TRIM66: variants seen among roughly 807,000 people sequenced by gnomAD.
TRIM66 encodes tripartite motif-containing protein 66.
In TRIM66, 99 loss-of-function variants were observed where a neutral mutation model predicts 148.2. The observed-to-expected ratio is 0.67, with a 90% confidence interval of 0.57 to 0.79. The LOEUF is 0.79. TRIM66 is among the 30% of genes least tolerant of loss of function. The pLI is 0.00. For missense variants in TRIM66, 1,666 were observed against 1,697.9 expected (o/e 0.98, Z 0.33); for synonymous variants, 616 against 635.9 (o/e 0.97, Z 0.47).
intron 15 of TRIM66, among the ~76,000 whole-genome samples, chr11:8,629,707 G>C (rs909576939): frequency 2.6e-5 from 4 of 152,186 alleles, no homozygotes; most frequent in Non-Finnish European, 5.9e-5. Context: ...TGATGAACCT[G>C]GTCCCGTAAT....
chr11:8,633,712 T>C (rs900539106), intron 15 of TRIM66, among the ~76,000 whole-genome samples: 6 of 152,338 alleles, frequency 3.9e-5, no homozygotes, highest in East Asian at 3.9e-4. Context: ...ATCTGATCCA[T>C]AGCAGTAGCT....
intron 6 of TRIM66, among the ~76,000 whole-genome samples, chr11:8,653,634 A>C (rs1346213103): frequency 6.6e-6 from 1 of 152,170 alleles, no homozygotes; most frequent in East Asian, 1.9e-4. Flanking sequence ...CAAACAGCCA[A>C]ACTGTAGAAT....
chr11:8,624,718 A>T lies in TRIM66; in HGVS notation c.2821T>A (p.Cys941Ser), dbSNP rs1179041866. 7 of 1,518,718 alleles carry T rather than the reference A, an allele frequency of 4.6e-6. No individual in the cohort carries two copies. Among genetic ancestry groups the T allele is most frequent in the Non-Finnish European group, 5.3e-6 (6 of 1,128,868 alleles). 94.1% of individuals were successfully genotyped at this position (1,518,718 alleles called of 1,614,324 possible). A position where few individuals can be genotyped will look rare whatever the true frequency, so the allele number is the denominator to read the frequency against. Reference protein sequence around the residue: ...GADPSLENALCKMESEDSTRF... With the variant: ...GADPSLENALSKMESEDSTRF... ...AGCATTTCCCCAGGACTTACCTTAC[A>T]CAGAGCATTCTCCAGGGAGGGATCA... The change falls in exon 16 of 25, where the codon TGT becomes AGT. Residue 941 changes from cysteine (C) to serine (S), a missense_variant. Cys to Ser is a moderately radical substitution (Grantham distance 112). Transcript: ENST00000646038.
chr11:8,672,290 CA>C lies in TRIM66; in HGVS notation c.-17del. On this transcript the variant is annotated 5_prime_UTR_variant, in exon 5 of 25. Coordinates refer to ENST00000646038, the MANE Select transcript of TRIM66 (RefSeq NM_001388022.1). ...GTCTAGCCATCTCTGCCGTGGAAAACAAAGCGTGGAGGTGTCTGCTGTTTGT... is the reference window on the plus strand; with the variant it reads ...GTCTAGCCATCTCTGCCGTGGAAAACAAGCGTGGAGGTGTCTGCTGTTTGT... The C allele has an allele frequency of 6.5e-7, 1 of 1,536,130 alleles. No individual in the cohort carries two copies. The highest frequency in any genetic ancestry group is 1.2e-5 in the South Asian group (1 of 84,064).
chr11:8,676,648 C>G (rs1410165629), intron 3 of TRIM66, among the ~76,000 whole-genome samples: 1 of 152,216 alleles, frequency 6.6e-6, no homozygotes, highest in Non-Finnish European at 1.5e-5. Context: ...AATTTAAAGG[C>G]ACAGCCACAC....
intron 6 of TRIM66, among the ~76,000 whole-genome samples, chr11:8,659,769 C>T (rs951960821): frequency 2.6e-5 from 4 of 152,338 alleles, no homozygotes; most frequent in African/African-American, 9.6e-5. Flanking sequence ...CAATCAGGAA[C>T]CAATGGCCTG....
At chr11:8,665,507 T>C (rs766151271) in intron 6 of TRIM66, among the ~76,000 whole-genome samples, 11 of 152,262 alleles carry the variant, frequency 7.2e-5, no homozygotes, top group Non-Finnish European at 1.5e-4. Flanking sequence ...CATTAGACTA[T>C]GAGCTCTTTG....
chr11:8,640,098 G>A (rs2036231098), intron 14 of TRIM66, 129 bp downstream of exon 14: 1 of 925,798 alleles, frequency 1.1e-6, no homozygotes, highest in Non-Finnish European at 1.6e-6. Flanking sequence ...GAAATGTGAG[G>A]GCTGAGCTCA....
intron 10 of TRIM66, 117 bp downstream of exon 10, chr11:8,647,853 C>T: frequency 2.5e-6 from 2 of 798,490 alleles, no homozygotes; most frequent in South Asian, 1.6e-5. Context: ...CATATGCCCA[C>T]ATCTGCTTAA....
chr11:8,658,807 G>C (rs2038050366), intron 6 of TRIM66: 2 of 985,260 alleles, frequency 2.0e-6, no homozygotes, highest in Non-Finnish European at 2.4e-6. Flanking sequence ...GAGGGTGTGG[G>C]GGGGCCTTCA....
intron 15 of TRIM66, among the ~76,000 whole-genome samples, chr11:8,630,910 C>G (rs1488046448): frequency 6.6e-6 from 1 of 152,094 alleles, no homozygotes; most frequent in Non-Finnish European, 1.5e-5. Context: ...CCTATGTGAC[C>G]CTGCACCCAT....
chr11:8,638,716 G>C lies in TRIM66; in HGVS notation c.2248C>G (p.Pro750Ala). ...CTGTCCACTGGGGGGACACTGAGAGGGGTTTCTTCCCCAGACGCCTGGGGC... is the reference window on the plus strand; with the variant it reads ...CTGTCCACTGGGGGGACACTGAGAGCGGTTTCTTCCCCAGACGCCTGGGGC... The part of the protein sequence containing the change: ...ALPQASGEET[P>A]LSVPPVDSTI... The change falls in exon 15 of 25, where the codon CCT (proline) becomes GCT (alanine). Residue 750 changes from proline to alanine, a missense_variant. Transcript: ENST00000646038. 6.5e-7 allele frequency: 1 copy of C among 1,549,658 alleles called. No homozygotes were observed.
At chr11:8,656,305 C>T (rs2037824159) in intron 6 of TRIM66, among the ~76,000 whole-genome samples, 1 of 152,170 alleles carries the variant, frequency 6.6e-6, no homozygotes, top group South Asian at 2.1e-4. Context: ...TCACACTGCA[C>T]ATAAAATATT....
At chr11:8,619,317 C>CA in intron 23 of TRIM66, 66 bp downstream of exon 23, 5 of 1,343,276 alleles carry the variant, frequency 3.7e-6, no homozygotes, top group Non-Finnish European at 5.0e-6. Context: ...CCTCCCAACC[C>CA]TACCCACCCA....
chr11:8,669,896 G>A (rs2038828785), intron 6 of TRIM66, among the ~76,000 whole-genome samples: 3 of 152,016 alleles, frequency 2.0e-5, no homozygotes, highest in Admixed American at 1.3e-4. Flanking sequence ...ACATATTTAG[G>A]TTTGTTATAT....
rs2033827930 is a variant in TRIM66 at position 8,617,954 on chromosome 11, G to A, written c.4169C>T (p.Ser1390Phe). Residue 1390 changes from serine (S) to phenylalanine (F), a missense_variant, in exon 25 of 25, where the codon TCT (serine) becomes TTT (phenylalanine). By Grantham distance (155) the Ser-to-Phe change is radical. Around this residue, in one of 3 missense-constraint regions of TRIM66, gnomAD observed 204 missense variants for 231.0 expected, o/e 0.88. Coordinates refer to ENST00000646038, the MANE Select transcript of TRIM66 (RefSeq NM_001388022.1). Reference sequence around the variant, plus strand: ...GTCTCCTTTTGGCTCTCACACCTGAGAGATGCTGTTGGCCAGGCGAAATGA... The same window carrying A: ...GTCTCCTTTTGGCTCTCACACCTGAAAGATGCTGTTGGCCAGGCGAAATGA... ...RMSFRLANSISQV is the reference protein window; with the variant it reads ...RMSFRLANSIFQV 1 of 1,551,744 alleles carries A rather than the reference G, an allele frequency of 6.4e-7. No individual in the cohort carries two copies. Among genetic ancestry groups the A allele is most frequent in the East Asian group, 2.4e-5 (1 of 40,922 alleles).
At chr11:8,632,472 T>C in intron 15 of TRIM66, among the ~76,000 whole-genome samples, 1 of 97,660 alleles carries the variant, frequency 1.0e-5, no homozygotes, top group Admixed American at 1.1e-4. Context: ...TTTTTTTTTT[T>C]TGAGATGGAT....
At chr11:8,652,883 G>A (rs1222150249) in intron 6 of TRIM66, among the ~76,000 whole-genome samples, 1 of 152,254 alleles carries the variant, frequency 6.6e-6, no homozygotes, top group African/African-American at 2.4e-5. Flanking sequence ...TCAGACAAAT[G>A]TAAGTCCAAA....
At position 8,613,002 on chromosome 11, in the gene TRIM66, G is replaced by A. The variant is rs2033490962; in HGVS notation, c.*4942C>T. 1 of 152,216 alleles carries A rather than the reference G, an allele frequency of 6.6e-6. No individual in the cohort carries two copies. 9.4% of individuals were successfully genotyped at this position (152,216 alleles called of 1,614,324 possible). The stretch of plus-strand genomic sequence containing the variant: ...GCAAACAGGCTAAAACCTCTGTGTT[G>A]TCTGGGAGAGACAGAGGGAAGGACT... On this transcript the variant is annotated 3_prime_UTR_variant, in exon 25 of 25. Coordinates refer to ENST00000646038, the MANE Select transcript of TRIM66 (RefSeq NM_001388022.1).
Sources: gnomAD v4.1 joint callset for allele counts (sites outside exome capture counted in the v4.1 genomes callset) on GRCh38, gnomAD v4.1.1 for gene constraint, gnomAD v4.1.1 regional missense constraint, MANE v1.5 for transcripts, NCBI Gene and HGNC (gene_info 2026-07-23, HGNC 2026-07-21) for gene names.